Variants in MUC3A observed in about 807,000 individuals in gnomAD.
MUC3A encodes the protein mucin 3A, cell surface associated, also known as mucin-3A.
Under a neutral mutation model 109.0 loss-of-function variants are expected in MUC3A, and 109 were observed. That is an observed-to-expected ratio of 1.00 (90% CI 0.86 to 1.17). The LOEUF (loss-of-function observed/expected upper bound fraction) is 1.17, where lower values mean the gene tolerates loss of function less well. MUC3A is among the 50% of genes most tolerant of loss of function. MUC3A has a pLI of 0.00. For synonymous variants in MUC3A, 1,398 were observed against 981.4 expected (o/e 1.42, Z -7.93); for missense variants, 3,537 against 2,469.4 (o/e 1.43, Z -9.16).
Position 100,960,714 on chromosome 7 carries a change from C to G in MUC3A, c.8867-38C>G, listed in dbSNP as rs768703253. The G allele has an allele frequency of 1.6e-5, 26 of 1,594,922 alleles. No individual in the cohort carries two copies. In the Admixed American group the frequency reaches 2.4e-4, roughly 14 times the overall value. Reference sequence around the variant, plus strand: ...AAATTCCTGTGTCACTGAGGTCAGGCTTTATCCTGAGCTTCCCTTTCTTTC... The same window carrying G: ...AAATTCCTGTGTCACTGAGGTCAGGGTTTATCCTGAGCTTCCCTTTCTTTC... On this transcript the variant is annotated intron_variant, in intron 2 of 11. Transcript: ENST00000379458.
At position 100,966,541 on chromosome 7, in the gene MUC3A, G is replaced by A. The variant is rs1172761856; in HGVS notation, c.9767G>A (p.Gly3256Asp). The change falls in exon 9 of 12, where the codon GGC becomes GAC. Residue 3256 changes from glycine (G) to aspartate (D), a missense_variant. Transcript: ENST00000379458. ...GVRAVRSGWW[G>D]GQRRGRSWDQ... ...CGGGCGGTGCGCTCCGGATGGTGGG[G>A]CGGCCAGCGCCGAGGCCGGTGAGCG... 2.2e-6 allele frequency: 3 copies of A among 1,362,836 alleles called. No individual in the cohort carries two copies. Among genetic ancestry groups the A allele is most frequent in the Admixed American group, 3.8e-5 (1 of 26,032 alleles). The allele number at this position is 1,362,836 out of a possible 1,614,324, so 84.4% of individuals were successfully genotyped here.
In MUC3A at chr7:100,960,272, T is replaced by G. The variant is rs770370641; in HGVS notation, c.8493T>G (p.Thr2831=). The part of the protein sequence containing the change: ...IQTTLTTYMD[T]SSMMPESESS... ...CTACTCTTACTACATATATGGACACTTCTTCCATGATGCCAGAAAGTGAGT... is the reference window on the plus strand; with the variant it reads ...CTACTCTTACTACATATATGGACACGTCTTCCATGATGCCAGAAAGTGAGT... The change falls in exon 2 of 12, where the codon ACT becomes ACG. Residue 2831 remains threonine, a synonymous_variant. Transcript: ENST00000379458. The G allele has an allele frequency of 6.3e-7, 1 of 1,598,554 alleles. No individual in the cohort carries two copies. Among genetic ancestry groups the G allele is most frequent in the Admixed American group, 1.7e-5 (1 of 60,034 alleles).
chr7:100,955,943 T>C lies in MUC3A; in HGVS notation c.4164T>C (p.Thr1388=). The change falls in exon 2 of 12, where the codon ACT becomes ACC. Residue 1388 remains threonine (T), a synonymous_variant. Transcript: ENST00000379458. ...TTAMTSTPPI[T]SSITPTDTMT... is the part of the protein sequence containing the mutation. ...CCATGACTTCTACTCCCCCCATCAC[T>C]TCTTCAATCACTCCCACCGATACAA... is the stretch of plus-strand genomic sequence containing the variant. 1.9e-6 allele frequency: 1 copy of C among 538,886 alleles called. No homozygotes were observed. The highest frequency in any genetic ancestry group is 3.0e-5 in the East Asian group (1 of 33,526). 33.4% of individuals were successfully genotyped at this position (538,886 alleles called of 1,614,324 possible).
Position 100,965,849 on chromosome 7 carries a change from G to A in MUC3A, c.9594G>A (p.Thr3198=). 6.3e-7 allele frequency: 1 copy of A among 1,594,648 alleles called. No homozygotes were observed. The stretch of plus-strand genomic sequence containing the variant: ...ACCAGGGCCAGTGCGTTCTGGAGAC[G>A]AGCGGTCCCACGTGTCGGTAAGGCC... The part of the protein sequence containing the change: ...DCHQGQCVLE[T]SGPTCRCYST... Residue 3198 remains threonine, a synonymous_variant, in exon 8 of 12, where the codon ACG becomes ACA. Transcript: ENST00000379458.
In MUC3A at chr7:100,951,935, C is replaced by T; in HGVS notation, c.156C>T (p.Asp52=). 6.3e-7 allele frequency: 1 copy of T among 1,598,622 alleles called. No homozygotes were observed. The highest frequency in any genetic ancestry group is 8.5e-7 in the Non-Finnish European group (1 of 1,179,790). ...TCAGCAATTCTCCACACTCCAGAGACCTGGCTGGGTGGCCACTTGGTGTCC... is the reference window on the plus strand; with the variant it reads ...TCAGCAATTCTCCACACTCCAGAGATCTGGCTGGGTGGCCACTTGGTGTCC... The part of the protein sequence containing the change: ...AVLSNSPHSR[D]LAGWPLGVPQ... Residue 52 remains aspartate, a synonymous_variant, in exon 2 of 12, where the codon GAC becomes GAT. Coordinates refer to ENST00000379458, the MANE Select transcript of MUC3A (RefSeq NM_005960.2).
At chr7:100,966,054 T>G in intron 8 of MUC3A, 188 bp downstream of exon 8, 1 of 570,296 alleles carries the variant, frequency 1.8e-6, no homozygotes, top group Non-Finnish European at 2.5e-6. Context: ...GCTCCTTTGA[T>G]GGGGTTGAGT....
chr7:100,965,053 T>A (rs78500427), intron 6 of MUC3A: 1 of 1,023,822 alleles, frequency 9.8e-7, no homozygotes, highest in Non-Finnish European at 1.4e-6. Flanking sequence ...ACCCCCTGAT[T>A]GTCATGGTCA....
intron 6 of MUC3A, chr7:100,965,071 C>A: frequency 8.8e-7 from 1 of 1,134,708 alleles, no homozygotes; most frequent in Non-Finnish European, 1.2e-6. Context: ...TCAGCATTTC[C>A]CGGATGGCTG....
chr7:100,967,818 G>A lies in MUC3A; in HGVS notation c.*656G>A, dbSNP rs587653187. On this transcript the variant is annotated 3_prime_UTR_variant, in exon 12 of 12. Transcript: ENST00000379458. ...TCCTCACATCCTGGTCCCTAGCAAG[G>A]TATAGATAGCCTCTGTGTCTTAGGA... 215 of 111,014 alleles carry A rather than the reference G, an allele frequency of 1.9e-3. No homozygotes were observed. In the South Asian group the frequency reaches 0.029, roughly 15 times the overall value. The allele number at this position is 111,014 out of a possible 1,614,324, so 6.9% of individuals were successfully genotyped here. A position where few individuals can be genotyped will look rare whatever the true frequency, so the allele number is the denominator to read the frequency against.
At chr7:100,964,972 A>G in intron 6 of MUC3A, 129 bp downstream of exon 6, 5 of 1,397,200 alleles carry the variant, frequency 3.6e-6, no homozygotes, top group Non-Finnish European at 4.7e-6. Context: ...GAAGGGGAAT[A>G]AGTCCACACA....
intron 7 of MUC3A, 34 bp from the exon 8 acceptor site, chr7:100,965,670 C>A: frequency 6.3e-7 from 1 of 1,584,276 alleles, no homozygotes; most frequent in Admixed American, 1.7e-5. Flanking sequence ...GGATGAGGTC[C>A]TTGTCTCTGT....
intron 1 of MUC3A, among the ~76,000 whole-genome samples, chr7:100,951,439 G>A (rs1233192253): frequency 6.6e-6 from 1 of 151,880 alleles, no homozygotes; most frequent in East Asian, 1.9e-4. Flanking sequence ...GGAGCAGAAG[G>A]TTAATGGGGG....
chr7:100,967,902 C>G lies in MUC3A; in HGVS notation c.*740C>G, dbSNP rs1792676009. The G allele has an allele frequency of 6.3e-6, 1 of 157,766 alleles. No homozygotes were observed. Among genetic ancestry groups the G allele is most frequent in the African/African-American group, 2.4e-5 (1 of 41,032 alleles). 9.8% of individuals were successfully genotyped at this position (157,766 alleles called of 1,614,324 possible). ...CCCAGTTCCCCGTTTCTCTTGCTCT[C>G]ATTCCTTGTATCTTCTCCCTTCTGA... On this transcript the variant is annotated 3_prime_UTR_variant, in exon 12 of 12. Transcript: ENST00000379458.
Position 100,960,215 on chromosome 7 carries a change from G to T in MUC3A, c.8436G>T (p.Met2812Ile), listed in dbSNP as rs1792272363. ...CAGTCTTTCCCTTTACTACCGAAAT[G>T]GTCACCTGTCCTACCTCCATCAGTA... ...PLTVFPFTTEMVTCPTSISIQ... is the reference protein window; with the variant it reads ...PLTVFPFTTEIVTCPTSISIQ... Residue 2812 changes from methionine (M) to isoleucine (I), a missense_variant, in exon 2 of 12, where the codon ATG (methionine) becomes ATT (isoleucine). Met to Ile is a conservative substitution (Grantham distance 10). Coordinates refer to ENST00000379458, the MANE Select transcript of MUC3A (RefSeq NM_005960.2). 5 of 1,596,232 alleles carry T rather than the reference G, an allele frequency of 3.1e-6. No individual in the cohort carries two copies. In the South Asian group the frequency reaches 3.3e-5, roughly 11 times the overall value.
At chr7:100,965,015 TC>T in intron 6 of MUC3A, 172 bp downstream of exon 6, 3 of 1,183,302 alleles carry the variant, frequency 2.5e-6, no homozygotes, top group East Asian at 2.6e-5. Flanking sequence ...AGGGAGGGTC[TC>T]CCCGTGACCT....
In MUC3A at chr7:100,960,622, A is replaced by G; in HGVS notation, c.8843A>G (p.Gln2948Arg). The G allele has an allele frequency of 6.3e-7, 1 of 1,598,368 alleles. No homozygotes were observed. The highest frequency in any genetic ancestry group is 8.5e-7 in the Non-Finnish European group (1 of 1,179,612). The change falls in exon 2 of 12, where the codon CAG becomes CGG. Residue 2948 changes from glutamine to arginine, a missense_variant. Gln to Arg is a conservative substitution (Grantham distance 43, BLOSUM62 1). Coordinates refer to ENST00000379458, the MANE Select transcript of MUC3A (RefSeq NM_005960.2). Reference sequence around the variant, plus strand: ...CGCATCACTTCTCAGATGACCACACAGTCCACGTTGACCACCACTGCAGGT... The same window carrying G: ...CGCATCACTTCTCAGATGACCACACGGTCCACGTTGACCACCACTGCAGGT... ...TTRITSQMTT[Q>R]STLTTTAGTC... is the part of the protein sequence containing the mutation.
chr7:100,958,951 G>T lies in MUC3A; in HGVS notation c.7172G>T (p.Gly2391Val), dbSNP rs956386137. The T allele has an allele frequency of 4.2e-6, 6 of 1,441,950 alleles. No individual in the cohort carries two copies. In the African/African-American group the frequency reaches 1.3e-4, roughly 30 times the overall value. The allele number at this position is 1,441,950 out of a possible 1,614,324, so 89.3% of individuals were successfully genotyped here. Residue 2391 changes from glycine to valine, a missense_variant, in exon 2 of 12, where the codon GGC (glycine) becomes GTC (valine). Physicochemically the swap from Gly to Val is moderately radical, Grantham distance 109. Coordinates refer to ENST00000379458, the MANE Select transcript of MUC3A (RefSeq NM_005960.2). ...TTETPLHSTP[G>V]LTSWVTTTKT... ...GAGACCCCCTTACACAGTACTCCTG[G>T]CCTCACTTCGTGGGTCACCACCACC...
intron 5 of MUC3A, 128 bp downstream of exon 5, chr7:100,963,880 T>G: frequency 2.2e-6 from 3 of 1,384,506 alleles, no homozygotes; most frequent in Non-Finnish European, 3.0e-6. Context: ...ACATAAGGAA[T>G]CACTCCCTGG....
At chr7:100,967,095 C>T (rs1792614408) in intron 11 of MUC3A, 26 bp from the exon 12 acceptor site, 4 of 1,598,542 alleles carry the variant, frequency 2.5e-6, no homozygotes, top group East Asian at 2.2e-5. Flanking sequence ...GCTCCGCGTT[C>T]CCGTCCCTCA....
Sources: allele counts gnomAD v4.1 joint callset (sites outside exome capture counted in the v4.1 genomes callset), GRCh38; gene constraint gnomAD v4.1.1; transcripts MANE v1.5; gene names NCBI Gene and HGNC (gene_info 2026-07-23, HGNC 2026-07-21).